TXNRD3: variants seen among roughly 807,000 people sequenced by gnomAD.
TXNRD3 encodes the protein thioredoxin reductase 3, also known as TXNRD3 neighbor gene protein.
In TXNRD3, 68 loss-of-function variants were observed where a neutral mutation model predicts 78.2. The observed-to-expected ratio is 0.87, with a 90% CI of 0.72 to 1.06. The LOEUF (loss-of-function observed/expected upper bound fraction) is 1.06, where lower values mean the gene tolerates loss of function less well. TXNRD3 is among the 50% of genes least tolerant of loss of function. The pLI is 0.00. For missense variants in TXNRD3, 751 were observed against 809.5 expected (o/e 0.93, Z 0.88); for synonymous variants, 296 against 300.1 (o/e 0.99, Z 0.14).
At chr3:126,610,191 T>C (rs1337674052) in intron 14 of TXNRD3, among the ~76,000 whole-genome samples, 1 of 152,222 alleles carries the variant, frequency 6.6e-6, no homozygotes, top group African/African-American at 2.4e-5. Flanking sequence ...TTTTCTGTTA[T>C]ACTGAGAATA....
intron 10 of TXNRD3, among the ~76,000 whole-genome samples, chr3:126,628,965 A>G (rs1410711520): frequency 6.6e-6 from 1 of 152,094 alleles, no homozygotes; most frequent in Admixed American, 6.5e-5. Context: ...TTGGCCTCCA[A>G]AGTATTCCAT....
intron 6 of TXNRD3, among the ~76,000 whole-genome samples, chr3:126,635,644 T>C (rs77142606): frequency 0.019 from 2,872 of 152,344 alleles, 98 homozygotes; most frequent in African/African-American, 0.066. Context: ...ACTGGACTTA[T>C]ATAAAATTTA....
chr3:126,633,071 A>G (rs947090745), intron 7 of TXNRD3, among the ~76,000 whole-genome samples: 23 of 152,236 alleles, frequency 1.5e-4, no homozygotes, highest in African/African-American at 5.3e-4. Context: ...TTATCCTATT[A>G]TATTTTTTTA....
intron 10 of TXNRD3, among the ~76,000 whole-genome samples, chr3:126,624,148 T>C (rs1222498689): frequency 2.6e-5 from 4 of 151,844 alleles, no homozygotes; most frequent in African/African-American, 7.3e-5. Context: ...GTTGGAAAAA[T>C]CAATATTGTT....
rs1229898322 is a variant in TXNRD3 at position 126,654,762 on chromosome 3, G to A, written c.229C>T (p.Pro77Ser). 1.4e-6 allele frequency: 2 copies of A among 1,413,990 alleles called. No individual in the cohort carries two copies. The highest frequency in any genetic ancestry group is 1.8e-6 in the Non-Finnish European group (2 of 1,083,738). The allele number at this position is 1,413,990 out of a possible 1,614,324, so 87.6% of individuals were successfully genotyped here. A position where few individuals can be genotyped will look rare whatever the true frequency, so the allele number is the denominator to read the frequency against. Residue 77 changes from proline to serine, a missense_variant, in exon 1 of 16, where the codon CCC (proline) becomes TCC (serine). Coordinates refer to ENST00000524230, the MANE Select transcript of TXNRD3 (RefSeq NM_052883.3). ...GCCGCGCCTACCCGAGTACTATGGG[G>A]ACAGTAGCTCTTGCTGAAGATCACC...
chr3:126,632,200 C>T (rs1324235391), intron 7 of TXNRD3, among the ~76,000 whole-genome samples: 3 of 151,962 alleles, frequency 2.0e-5, no homozygotes, highest in Non-Finnish European at 4.4e-5. Flanking sequence ...CAGAACAATG[C>T]GCACAAAAGC....
chr3:126,646,049 T>C, intron 3 of TXNRD3, 62 bp downstream of exon 3: 1 of 1,320,952 alleles, frequency 7.6e-7, no homozygotes, highest in Non-Finnish European at 1.0e-6. Flanking sequence ...TTTTCTCCTC[T>C]TTTAAATACT....
intron 6 of TXNRD3, among the ~76,000 whole-genome samples, chr3:126,637,316 C>T (rs1203549885): frequency 6.6e-6 from 1 of 152,064 alleles, no homozygotes; most frequent in Non-Finnish European, 1.5e-5. Flanking sequence ...TGAGTTTCCC[C>T]CCTTATTTCC....
chr3:126,654,024 G>GT (rs1933449858), intron 1 of TXNRD3, among the ~76,000 whole-genome samples: 1 of 146,690 alleles, frequency 6.8e-6, no homozygotes. Context: ...TGGTAAAAAT[G>GT]TAAAAAAAAA....
chr3:126,647,198 T>C (rs1933258852), intron 2 of TXNRD3, 38 bp downstream of exon 2: 3 of 1,439,218 alleles, frequency 2.1e-6, no homozygotes, highest in Non-Finnish European at 2.8e-6. Flanking sequence ...CGCTGGCATT[T>C]ATTATAAACA....
intron 8 of TXNRD3, 117 bp from the exon 9 acceptor site, chr3:126,631,054 G>C: frequency 9.7e-7 from 1 of 1,029,778 alleles, no homozygotes; most frequent in Non-Finnish European, 1.4e-6. Flanking sequence ...CTTGAATGAA[G>C]CAACAGCCTT....
At chr3:126,625,965 T>C (rs1414439180) in intron 10 of TXNRD3, 1 of 152,832 alleles carries the variant, frequency 6.5e-6, no homozygotes, top group Non-Finnish European at 1.5e-5. Flanking sequence ...TCAAGACAGA[T>C]GTTATTGCAG....
At chr3:126,610,559 C>T (rs771109646) in intron 14 of TXNRD3, among the ~76,000 whole-genome samples, 1 of 152,166 alleles carries the variant, frequency 6.6e-6, no homozygotes, top group South Asian at 2.1e-4. Context: ...GTGAACATCT[C>T]CATCTAAAGA....
At position 126,615,928 on chromosome 3, in the gene TXNRD3, C is replaced by T. The variant is rs111657253; in HGVS notation, c.1525-466G>A. 1.9e-3 allele frequency among the ~76,000 whole-genome samples: 295 copies of T among 152,276 alleles called. 1 individual carries two copies. Among genetic ancestry groups the T allele is most frequent in the Non-Finnish European group, 3.5e-3 (235 of 68,034 alleles). On this transcript the variant is annotated intron_variant, in intron 12 of 15. Coordinates refer to ENST00000524230, the MANE Select transcript of TXNRD3 (RefSeq NM_052883.3). ...GCCACTGAGAGGTGAGGCAAATATGCAGCTCAACGGTGCTGGACTAAGTGT... is the reference window on the plus strand; with the variant it reads ...GCCACTGAGAGGTGAGGCAAATATGTAGCTCAACGGTGCTGGACTAAGTGT...
At chr3:126,631,082 G>T in intron 8 of TXNRD3, 145 bp from the exon 9 acceptor site, 1 of 836,066 alleles carries the variant, frequency 1.2e-6, no homozygotes, top group Non-Finnish European at 1.8e-6. Flanking sequence ...TTGTAATTGA[G>T]TCTGCTGTGG....
At chr3:126,635,954 CAG>C (rs941841962) in intron 6 of TXNRD3, among the ~76,000 whole-genome samples, 7 of 152,034 alleles carry the variant, frequency 4.6e-5, no homozygotes, top group South Asian at 2.1e-4. Flanking sequence ...TTTTAAGAGA[CAG>C]AGTCTCATTC....
At chr3:126,615,710 C>T (rs1938303146) in intron 12 of TXNRD3, among the ~76,000 whole-genome samples, 1 of 152,122 alleles carries the variant, frequency 6.6e-6, no homozygotes, top group Non-Finnish European at 1.5e-5. Flanking sequence ...AGCACAGACT[C>T]GGAGGTCTAA....
At chr3:126,649,425 A>G (rs1345066504) in intron 1 of TXNRD3, among the ~76,000 whole-genome samples, 1 of 152,240 alleles carries the variant, frequency 6.6e-6, no homozygotes, top group Non-Finnish European at 1.5e-5. Flanking sequence ...ACTATGGAAA[A>G]CAGAATGACA....
rs748174349 is a variant in TXNRD3, at chr3:126,622,521, C to T, written c.1310G>A (p.Arg437His). 6.2e-5 allele frequency: 95 copies of T among 1,532,766 alleles called. No individual in the cohort carries two copies. The highest frequency in any genetic ancestry group is 2.4e-4 in the East Asian group (10 of 40,870). 94.9% of individuals were successfully genotyped at this position (1,532,766 alleles called of 1,614,324 possible). A position where few individuals can be genotyped will look rare whatever the true frequency, so the allele number is the denominator to read the frequency against. Residue 437 changes from arginine to histidine, a missense_variant, in exon 11 of 16, where the codon CGT becomes CAT. Physicochemically the swap from Arg to His is conservative, Grantham distance 29. Coordinates refer to ENST00000524230, the MANE Select transcript of TXNRD3 (RefSeq NM_052883.3). ...GCCTATTTTCCTTGTACAGGAGTCA[C>T]GACCAATAGCTAACAAAACCTGCAT... is the stretch of plus-strand genomic sequence containing the variant.
Sources: gnomAD v4.1 joint callset for allele counts (sites outside exome capture counted in the v4.1 genomes callset) on GRCh38, gnomAD v4.1.1 for gene constraint, MANE v1.5 for transcripts, NCBI Gene and HGNC (gene_info 2026-07-23, HGNC 2026-07-21) for gene names.